KCNK1: variants seen among roughly 807,000 people sequenced by gnomAD.
The protein encoded by KCNK1 is potassium two pore domain channel subfamily K member 1, also known as potassium channel subfamily K member 1.
In KCNK1, 10 loss-of-function variants were observed where a neutral mutation model predicts 22.2. The ratio of observed to expected loss-of-function variants is 0.45; its 90% CI spans 0.28 to 0.76. KCNK1 has a LOEUF of 0.76. Among genes scored for constraint, KCNK1 ranks in the 30% least tolerant of loss-of-function variants. The pLI, the probability that KCNK1 is intolerant of heterozygous loss-of-function variation, is 0.14. For missense variants in KCNK1, 378 were observed against 421.0 expected, an observed-to-expected ratio of 0.90 and a Z score of 0.89; for synonymous variants, 200 against 186.4, an observed-to-expected ratio of 1.07 and a Z score of -0.60.
intron 1 of KCNK1, among the ~76,000 whole-genome samples, chr1:233,638,422 G>GA (rs11363117): frequency 0.15 from 22,543 of 149,056 alleles, 2,612 homozygotes; most frequent in African/African-American, 0.31. Flanking sequence ...AAAAAAGAGA[G>GA]AAAAAAAAAA....
At chr1:233,642,755 A>G (rs1405158751) in intron 1 of KCNK1, among the ~76,000 whole-genome samples, 1 of 152,024 alleles carries the variant, frequency 6.6e-6, no homozygotes, top group Non-Finnish European at 1.5e-5. Context: ...TTCCAAAGTC[A>G]CTGGCTCTTG....
chr1:233,623,479 T>C (rs528823591), intron 1 of KCNK1, among the ~76,000 whole-genome samples: 259 of 152,376 alleles, frequency 1.7e-3, no homozygotes, highest in Non-Finnish European at 3.1e-3. Flanking sequence ...ATGATGGATA[T>C]GGTAATTACC....
intron 1 of KCNK1, among the ~76,000 whole-genome samples, chr1:233,642,220 A>T (rs981011646): frequency 6.6e-6 from 1 of 152,174 alleles, no homozygotes; most frequent in Non-Finnish European, 1.5e-5. Flanking sequence ...ACCTCATGAG[A>T]TGCCTGCTCA....
At chr1:233,625,208 A>G (rs1015773555) in intron 1 of KCNK1, among the ~76,000 whole-genome samples, 3 of 152,146 alleles carry the variant, frequency 2.0e-5, no homozygotes, top group Non-Finnish European at 4.4e-5. Flanking sequence ...ATCTTATAAG[A>G]CCAAGCGGGG....
At chr1:233,638,593 T>C (rs1657950787) in intron 1 of KCNK1, among the ~76,000 whole-genome samples, 1 of 152,170 alleles carries the variant, frequency 6.6e-6, no homozygotes, top group Non-Finnish European at 1.5e-5. Flanking sequence ...AGAGCAGTGA[T>C]GGCCACGGTG....
chr1:233,658,038 G>A (rs947725159), intron 1 of KCNK1, among the ~76,000 whole-genome samples: 1 of 152,174 alleles, frequency 6.6e-6, no homozygotes, highest in Non-Finnish European at 1.5e-5. Context: ...AGTATGCAGA[G>A]GGTGGTGTGA....
chr1:233,635,118 TTC>T (rs1159525105), intron 1 of KCNK1, among the ~76,000 whole-genome samples: 1 of 151,820 alleles, frequency 6.6e-6, no homozygotes, highest in African/African-American at 2.4e-5. Context: ...AGTGTTTTTT[TTC>T]TTTTAGAAAC....
At chr1:233,626,834 T>C (rs143996493) in intron 1 of KCNK1, among the ~76,000 whole-genome samples, 6 of 152,320 alleles carry the variant, frequency 3.9e-5, no homozygotes, top group African/African-American at 1.2e-4. Flanking sequence ...TTCTTAAAAT[T>C]AACAGTAGGA....
intron 1 of KCNK1, among the ~76,000 whole-genome samples, chr1:233,621,203 GA>G (rs1438879330): frequency 6.6e-6 from 1 of 152,186 alleles, no homozygotes; most frequent in African/African-American, 2.4e-5. Context: ...TTAAGGAGGT[GA>G]TTAAGATAAA....
intron 1 of KCNK1, among the ~76,000 whole-genome samples, chr1:233,627,221 T>C (rs1657704183): frequency 6.6e-6 from 1 of 152,226 alleles, no homozygotes; most frequent in African/African-American, 2.4e-5. Flanking sequence ...TCATTATTGA[T>C]CATCTAAACA....
intron 1 of KCNK1, chr1:233,637,397 A>C (rs1320222477): frequency 3.3e-5 from 5 of 152,130 alleles, no homozygotes; most frequent in African/African-American, 1.2e-4. Context: ...AGAAGAGCTC[A>C]TGTCAGTTGG....
At chr1:233,615,294 A>G (rs1254776937) in intron 1 of KCNK1, among the ~76,000 whole-genome samples, 3 of 152,202 alleles carry the variant, frequency 2.0e-5, no homozygotes, top group African/African-American at 7.2e-5. Flanking sequence ...GAGGCTCCCC[A>G]TAAACTTCGA....
chr1:233,671,547 A>G lies in KCNK1; in HGVS notation c.*17A>G, dbSNP rs375598218. On this transcript the variant is annotated 3_prime_UTR_variant, in exon 3 of 3. Coordinates refer to ENST00000366621, the MANE Select transcript of KCNK1 (RefSeq NM_002245.4). ...AACCATTGAGCGTAGGATTTGTTGC[A>G]TTATGCTAGAGCACCAGGGTCAGGG... The G allele has an allele frequency of 6.2e-6, 10 of 1,613,532 alleles. No individual in the cohort carries two copies. The highest frequency in any genetic ancestry group is 1.1e-5 in the South Asian group (1 of 91,044).
intron 1 of KCNK1, among the ~76,000 whole-genome samples, chr1:233,635,843 T>A (rs953480336): frequency 1.3e-5 from 2 of 152,168 alleles, no homozygotes; most frequent in Non-Finnish European, 2.9e-5. Context: ...TTACATAAAA[T>A]AAGTGTTAAG....
intron 1 of KCNK1, among the ~76,000 whole-genome samples, chr1:233,628,481 C>T (rs571691483): frequency 8.5e-5 from 13 of 152,118 alleles, no homozygotes; most frequent in Admixed American, 3.3e-4. Context: ...AAAAGTCGGC[C>T]GGATGTGGTG....
chr1:233,653,560 G>A lies in KCNK1; in HGVS notation c.356-13035G>A, dbSNP rs143073432. Among the ~76,000 whole-genome samples the A allele has an allele frequency of 1.0e-3, 153 of 152,270 alleles. 2 individuals carry two copies. The highest frequency in any genetic ancestry group is 3.5e-3 in the African/African-American group (146 of 41,538). ...AGATCCATCCTCACCAAGGTGGGTA[G>A]GCGTTATCTAATTCATGAAGGGCCT... is the stretch of plus-strand genomic sequence containing the variant. On this transcript the variant is annotated intron_variant, in intron 1 of 2. Coordinates refer to ENST00000366621, the MANE Select transcript of KCNK1 (RefSeq NM_002245.4).
At chr1:233,640,868 C>A (rs1657988319) in intron 1 of KCNK1, among the ~76,000 whole-genome samples, 1 of 152,158 alleles carries the variant, frequency 6.6e-6, no homozygotes, top group South Asian at 2.1e-4. Flanking sequence ...CCACACCCAA[C>A]TAATTGTTGT....
intron 1 of KCNK1, among the ~76,000 whole-genome samples, chr1:233,642,550 G>C (rs535734530): frequency 6.6e-6 from 1 of 152,274 alleles, no homozygotes; most frequent in African/African-American, 2.4e-5. Flanking sequence ...CTGGTTCTCT[G>C]ATGCAGGCGC....
Position 233,657,677 on chromosome 1 carries a change from A to G in KCNK1, c.356-8918A>G, listed in dbSNP as rs1028889447. 2.7e-5 allele frequency among the ~76,000 whole-genome samples: 4 copies of G among 149,900 alleles called. No homozygotes were observed. The East Asian group carries it at 7.8e-4, about 29-fold the overall frequency. ...AAGGAAAGACGAAAGAAAAGAAAGA[A>G]AGAGAAAGAAAAGAAAGAAAGAGAA... On this transcript the variant is annotated intron_variant, in intron 1 of 2. Transcript: ENST00000366621.
Sources: allele counts gnomAD v4.1 joint callset (sites outside exome capture counted in the v4.1 genomes callset), GRCh38; gene constraint gnomAD v4.1.1; transcripts MANE v1.5; gene names NCBI Gene and HGNC (gene_info 2026-07-23, HGNC 2026-07-21).